The following OR51B5 variants were observed in gnomAD, a reference collection of about 807,000 sequenced individuals.
The protein encoded by OR51B5 is olfactory receptor 51B5.
For missense variants in OR51B5, 456 were observed against 374.6 expected (o/e 1.22, Z -1.79); for synonymous variants, 186 against 144.8 (o/e 1.28, Z -2.04).
At chr11:5,448,770 C>T (rs1022649356) in intron 1 of OR51B5, among the ~76,000 whole-genome samples, 11 of 152,122 alleles carry the variant, frequency 7.2e-5, no homozygotes, top group Non-Finnish European at 1.5e-4. Context: ...AGCCAAAAAC[C>T]AGAGTTAGCA....
chr11:5,342,828 C>T (rs746159616), exon 1 of OR51B5: 28 of 1,613,248 alleles, frequency 1.7e-5, no homozygotes, highest in South Asian at 1.3e-4. Flanking sequence ...AGAGCCTTGG[C>T]CCTCTCCTCT....
intron 1 of OR51B5, among the ~76,000 whole-genome samples, chr11:5,485,454 C>G (rs75905959): frequency 0.033 from 5,087 of 152,266 alleles, 274 homozygotes; most frequent in African/African-American, 0.12. Context: ...CTGATGGACT[C>G]TGCTTGGGCT....
chr11:5,491,586 G>A (rs1851581370), intron 1 of OR51B5, among the ~76,000 whole-genome samples: 1 of 152,158 alleles, frequency 6.6e-6, no homozygotes, highest in Admixed American at 6.5e-5. Flanking sequence ...CATTTCGAGG[G>A]GGCCTCAAAA....
chr11:5,351,586 A>G, intron 1 of OR51B5: 1 of 1,614,072 alleles, frequency 6.2e-7, no homozygotes, highest in Non-Finnish European at 8.5e-7. Context: ...CTGGATATTC[A>G]TCCCATTATT....
intron 1 of OR51B5, among the ~76,000 whole-genome samples, chr11:5,483,355 G>T (rs1206826149): frequency 9.5e-6 from 1 of 105,584 alleles, no homozygotes; most frequent in Non-Finnish European, 1.8e-5. Context: ...TGGGGACTGT[G>T]ATGGGGTGGG....
At chr11:5,479,030 G>A (rs1335161217) in intron 1 of OR51B5, among the ~76,000 whole-genome samples, 1 of 151,950 alleles carries the variant, frequency 6.6e-6, no homozygotes, top group Non-Finnish European at 1.5e-5. Flanking sequence ...GATACTCCTC[G>A]AGAAGAGCAA....
intron 1 of OR51B5, among the ~76,000 whole-genome samples, chr11:5,418,191 T>C (rs1461761495): frequency 2.0e-5 from 3 of 151,438 alleles, no homozygotes; most frequent in Non-Finnish European, 2.9e-5. Context: ...CACTCATAGG[T>C]GGGAATTAAA....
intron 1 of OR51B5, among the ~76,000 whole-genome samples, chr11:5,442,741 T>G (rs1850709513): frequency 6.6e-6 from 1 of 152,194 alleles, no homozygotes; most frequent in Admixed American, 6.5e-5. Flanking sequence ...CTTCTATCAC[T>G]GCTCAATTCA....
intron 1 of OR51B5, among the ~76,000 whole-genome samples, chr11:5,467,764 T>C (rs1437263026): frequency 1.3e-5 from 2 of 152,234 alleles, no homozygotes; most frequent in Non-Finnish European, 2.9e-5. Flanking sequence ...TTCAGCCAAC[T>C]ATGCTGCCAA....
intron 1 of OR51B5, among the ~76,000 whole-genome samples, chr11:5,429,280 G>A (rs1024574738): frequency 6.6e-6 from 1 of 152,140 alleles, no homozygotes; most frequent in Non-Finnish European, 1.5e-5. Context: ...TGTGGCTAGT[G>A]TCAATAAATT....
intron 1 of OR51B5, among the ~76,000 whole-genome samples, chr11:5,401,972 C>T (rs1283970963): frequency 6.9e-6 from 1 of 144,092 alleles, no homozygotes; most frequent in African/African-American, 2.6e-5. Context: ...TCCTTCTTTC[C>T]TCCTTCCCTC....
At chr11:5,494,779 A>T (rs1434124250) in intron 1 of OR51B5, among the ~76,000 whole-genome samples, 15 of 152,316 alleles carry the variant, frequency 9.8e-5, no homozygotes, top group African/African-American at 3.4e-4. Flanking sequence ...ATAGGCCAAA[A>T]TGCTTGGCAC....
rs1328159922 is a variant in OR51B5 at position 5,377,754 on chromosome 11, G to A, written n.85-30844C>T. Among the ~76,000 whole-genome samples, 4 of 148,664 alleles carry A rather than the reference G, an allele frequency of 2.7e-5. No individual in the cohort carries two copies. The East Asian group carries it at 5.8e-4, about 22-fold the overall frequency. ...AAATACCTAGGAATCCAACTTACAA[G>A]GGATGTGAAGGACCTCTTCAAGGAG... On this transcript the variant is annotated intron_variant and non_coding_transcript_variant, in intron 1 of 4. Transcript: ENST00000415970.
chr11:5,483,058 G>A (rs1403249323), intron 1 of OR51B5, among the ~76,000 whole-genome samples: 9 of 148,198 alleles, frequency 6.1e-5, no homozygotes, highest in African/African-American at 1.8e-4. Context: ...ACATGCACAC[G>A]TATGTTTATT....
At chr11:5,431,413 A>T (rs1214417475) in intron 1 of OR51B5, 3 of 236,360 alleles carry the variant, frequency 1.3e-5, no homozygotes, top group Non-Finnish European at 2.5e-5. Flanking sequence ...ATGGAGAGAA[A>T]TAAGTACATG....
chr11:5,368,108 T>G (rs995573985), intron 1 of OR51B5, among the ~76,000 whole-genome samples: 1 of 152,212 alleles, frequency 6.6e-6, no homozygotes, highest in Admixed American at 6.5e-5. Context: ...CTTTGTTTTT[T>G]CCTCTGCCAT....
intron 1 of OR51B5, among the ~76,000 whole-genome samples, chr11:5,470,311 C>G (rs557567059): frequency 6.6e-6 from 1 of 152,134 alleles, no homozygotes; most frequent in East Asian, 1.9e-4. Context: ...TTCTTCCCCC[C>G]GAGGATCAAT....
At chr11:5,485,294 G>A (rs1171460787) in intron 1 of OR51B5, among the ~76,000 whole-genome samples, 2 of 152,148 alleles carry the variant, frequency 1.3e-5, no homozygotes, top group Non-Finnish European at 2.9e-5. Flanking sequence ...CAAAAAGAAG[G>A]TTAACAGTAA....
At chr11:5,390,230 A>C (rs1849774489) in intron 1 of OR51B5, 1 of 1,613,896 alleles carries the variant, frequency 6.2e-7, no homozygotes, top group Middle Eastern at 1.6e-4. Flanking sequence ...CCGTTTTGGG[A>C]AGCATGCCCC....
Sources: gnomAD v4.1 joint callset for allele counts (sites outside exome capture counted in the v4.1 genomes callset) on GRCh38, gnomAD v4.1.1 for gene constraint, MANE v1.5 for transcripts, NCBI Gene and HGNC (gene_info 2026-07-23, HGNC 2026-07-21) for gene names.